The following ABAT variants were observed in gnomAD, a reference collection of about 807,000 sequenced individuals.
ABAT encodes 4-aminobutyrate aminotransferase.
In ABAT, 45 loss-of-function variants were observed where a neutral mutation model predicts 64.6. That is an observed-to-expected ratio of 0.70 (90% confidence interval 0.55 to 0.89). The LOEUF (loss-of-function observed/expected upper bound fraction) is 0.89, where lower values mean the gene tolerates loss of function less well. ABAT is among the 40% of genes least tolerant of loss of function. The pLI, the probability that ABAT is intolerant of heterozygous loss-of-function variation, is 0.00. For missense variants in ABAT, 633 were observed against 658.4 expected, an observed-to-expected ratio of 0.96 and a Z score of 0.42; for synonymous variants, 297 against 250.5, an observed-to-expected ratio of 1.19 and a Z score of -1.75.
intron 2 of ABAT, among the ~76,000 whole-genome samples, chr16:8,740,483 C>T (rs971084882): frequency 8.5e-5 from 13 of 152,160 alleles, no homozygotes; most frequent in Non-Finnish European, 1.6e-4. Flanking sequence ...AGAAGCCACT[C>T]TCAGTTCCTT....
rs2059878937 is a variant in ABAT, at chr16:8,764,227, T to G, written c.447+78T>G. The stretch of plus-strand genomic sequence containing the variant: ...AAGGGAAAAGTGGAGACGCCAACAA[T>G]GAAGAATAAGGTGTTGCTACAGAAA... On this transcript the variant is annotated intron_variant, in intron 7 of 15. Transcript: ENST00000268251. This position sits in a 1 kb window ranked among gnomAD's most constrained non-coding sequence, Gnocchi z 4.2. 1.7e-6 allele frequency: 2 copies of G among 1,179,748 alleles called. No homozygotes were observed. The highest frequency in any genetic ancestry group is 3.4e-5 in the Admixed American group (2 of 58,228). The allele number at this position is 1,179,748 out of a possible 1,614,324, so 73.1% of individuals were successfully genotyped here. A position where few individuals can be genotyped will look rare whatever the true frequency, so the allele number is the denominator to read the frequency against.
intron 1 of ABAT, among the ~76,000 whole-genome samples, chr16:8,727,504 A>G (rs2058594078): frequency 6.6e-6 from 1 of 152,160 alleles, no homozygotes; most frequent in African/African-American, 2.4e-5. Context: ...CCCCAGCCAG[A>G]AAGAATCTCC....
intron 4 of ABAT, among the ~76,000 whole-genome samples, chr16:8,749,972 C>A (rs1467718957): frequency 6.6e-6 from 1 of 152,200 alleles, no homozygotes; most frequent in East Asian, 1.9e-4. Flanking sequence ...GCCTCGGCTT[C>A]CCAAAGTACT....
rs1404056944 is a variant in ABAT at position 8,764,871 on chromosome 16, C to T, written c.540+41C>T. Reference sequence around the variant, plus strand: ...CACACACACACACACACACAGGCTCCCCAGCACCCAGCCACACGCTCACCC... The same window carrying T: ...CACACACACACACACACACAGGCTCTCCAGCACCCAGCCACACGCTCACCC... On this transcript the variant is annotated intron_variant, in intron 8 of 15. Coordinates refer to ENST00000268251, the MANE Select transcript of ABAT (RefSeq NM_020686.6). The surrounding 1 kb of genome is among the most constrained non-coding windows in gnomAD (Gnocchi z 4.2). 1.4e-6 allele frequency: 2 copies of T among 1,474,238 alleles called. No homozygotes were observed. Among genetic ancestry groups the T allele is most frequent in the African/African-American group, 2.8e-5 (2 of 72,086 alleles). The allele number at this position is 1,474,238 out of a possible 1,614,324, so 91.3% of individuals were successfully genotyped here.
rs961282282 is a variant in ABAT at position 8,674,624 on chromosome 16, C to A, written c.-129C>A. ...GAGTCGCTGGGGGAAGTCGAGCAGACACCCAGCGCTGCCGGAACTCGGGGC... is the reference window on the plus strand; with the variant it reads ...GAGTCGCTGGGGGAAGTCGAGCAGAAACCCAGCGCTGCCGGAACTCGGGGC... On this transcript the variant is annotated 5_prime_UTR_variant, in exon 1 of 16. Transcript: ENST00000268251. 35 of 152,388 alleles carry A rather than the reference C, an allele frequency of 2.3e-4. No homozygotes were observed. The highest frequency in any genetic ancestry group is 7.8e-4 in the Admixed American group (12 of 15,312). 9.4% of individuals were successfully genotyped at this position (152,388 alleles called of 1,614,324 possible).
chr16:8,712,527 A>G (rs1450796471), intron 1 of ABAT, among the ~76,000 whole-genome samples: 1 of 152,148 alleles, frequency 6.6e-6, no homozygotes, highest in African/African-American at 2.4e-5. Flanking sequence ...AATATTGTCA[A>G]TTTCATGTGG....
intron 1 of ABAT, among the ~76,000 whole-genome samples, chr16:8,677,178 T>C (rs948317746): frequency 1.3e-5 from 2 of 152,196 alleles, no homozygotes; most frequent in African/African-American, 4.8e-5. Context: ...GAGTTAATCC[T>C]CATAAAATGT....
chr16:8,770,027 A>G (rs1022417059), intron 11 of ABAT, among the ~76,000 whole-genome samples: 4 of 152,224 alleles, frequency 2.6e-5, no homozygotes, highest in African/African-American at 7.2e-5. Flanking sequence ...GCACTGTCCA[A>G]TAGAAATATA....
At chr16:8,745,951 C>T (rs1285087310) in intron 2 of ABAT, 50 bp from the exon 3 acceptor site, 1 of 1,552,810 alleles carries the variant, frequency 6.4e-7, no homozygotes, top group South Asian at 1.1e-5. Flanking sequence ...GCAGAATCCT[C>T]ATGATCTCTG....
In ABAT at chr16:8,675,159, T is replaced by C. The variant is rs561999304; in HGVS notation, c.-42+448T>C. Among the ~76,000 whole-genome samples the C allele has an allele frequency of 5.9e-5, 9 of 151,690 alleles. No individual in the cohort carries two copies. The South Asian group carries it at 1.9e-3, about 32-fold the overall frequency. On this transcript the variant is annotated intron_variant, in intron 1 of 15. Coordinates refer to ENST00000268251, the MANE Select transcript of ABAT (RefSeq NM_020686.6). Reference sequence around the variant, plus strand: ...CAGTGACCTCCCCCTCCATGACAAATGGAAGCTCTCCCCCCATCATAAGAC... The same window carrying C: ...CAGTGACCTCCCCCTCCATGACAAACGGAAGCTCTCCCCCCATCATAAGAC...
chr16:8,779,661 C>A (rs2060375126), intron 15 of ABAT, 71 bp downstream of exon 15: 3 of 1,282,708 alleles, frequency 2.3e-6, no homozygotes, highest in Middle Eastern at 1.8e-4. Context: ...CCACATGTTG[C>A]TAGGTACTCA....
chr16:8,749,964 C>G (rs1478576147), intron 4 of ABAT, among the ~76,000 whole-genome samples: 1 of 152,168 alleles, frequency 6.6e-6, no homozygotes, highest in Non-Finnish European at 1.5e-5. Context: ...ATCCACCTGC[C>G]TCGGCTTCCC....
chr16:8,764,005 A>G lies in ABAT; in HGVS notation c.367-64A>G. On this transcript the variant is annotated intron_variant, in intron 6 of 15. Coordinates refer to ENST00000268251, the MANE Select transcript of ABAT (RefSeq NM_020686.6). The surrounding 1 kb of genome is among the most constrained non-coding windows in gnomAD (Gnocchi z 4.2). Reference sequence around the variant, plus strand: ...GAACACAGGGGCTATGAAAAGCACCATTTGTGGGCAGGGAGCTGGGTCAGG... The same window carrying G: ...GAACACAGGGGCTATGAAAAGCACCGTTTGTGGGCAGGGAGCTGGGTCAGG... 2 of 1,397,318 alleles carry G rather than the reference A, an allele frequency of 1.4e-6. No homozygotes were observed. Among genetic ancestry groups the G allele is most frequent in the Non-Finnish European group, 1.0e-6 (1 of 982,790 alleles). The allele number at this position is 1,397,318 out of a possible 1,614,324, so 86.6% of individuals were successfully genotyped here. A position where few individuals can be genotyped will look rare whatever the true frequency, so the allele number is the denominator to read the frequency against.
chr16:8,780,130 A>C (rs566287122), intron 15 of ABAT, among the ~76,000 whole-genome samples: 2 of 151,970 alleles, frequency 1.3e-5, no homozygotes, highest in African/African-American at 4.8e-5. Flanking sequence ...CGATGGCCTG[A>C]GGTGGGATGG....
In ABAT at chr16:8,766,203, T is replaced by TTTC. The variant is rs2059938320; in HGVS notation, c.541-4_541-3insTCT. The TTTC allele has an allele frequency of 6.2e-7, 1 of 1,613,726 alleles. No homozygotes were observed. The highest frequency in any genetic ancestry group is 1.1e-5 in the South Asian group (1 of 91,088). ...CTGAGATTTTGTTCTGTTCTATTGT[T>TTTC]TCAGAGCAAGGAAAGAGGGCAGAGG... On this transcript the variant is annotated splice_polypyrimidine_tract_variant and splice_region_variant and intron_variant, in intron 8 of 15. Transcript: ENST00000268251.
At chr16:8,777,254 A>C in intron 14 of ABAT, among the ~76,000 whole-genome samples, 1 of 149,144 alleles carries the variant, frequency 6.7e-6, no homozygotes, top group Non-Finnish European at 1.5e-5. Context: ...AGAGTCCCCC[A>C]AGCACTCCCT....
chr16:8,715,657 CAATT>C (rs142043689), intron 1 of ABAT: 22,255 of 105,312 alleles, frequency 0.21, 1,724 homozygotes, highest in African/African-American at 0.29. Context: ...AAAAAAAAAA[CAATT>C]AAAGAAGTTT....
intron 1 of ABAT, among the ~76,000 whole-genome samples, chr16:8,734,485 T>G (rs1344592231): frequency 6.6e-6 from 1 of 152,206 alleles, no homozygotes; most frequent in African/African-American, 2.4e-5. Flanking sequence ...CACACACATG[T>G]GAGTTCGGCT....
rs532196908 is a variant in ABAT at position 8,768,764 on chromosome 16, A to T, written c.668-61A>T. The T allele has an allele frequency of 1.6e-5, 26 of 1,611,642 alleles. No homozygotes were observed. In the East Asian group the frequency reaches 5.3e-4, roughly 33 times the overall value. Reference sequence around the variant, plus strand: ...CTGAAATGTCTATCATCTCCTTTACAAAGACGGTACTGCCTGCTTCCCCAA... The same window carrying T: ...CTGAAATGTCTATCATCTCCTTTACTAAGACGGTACTGCCTGCTTCCCCAA... On this transcript the variant is annotated intron_variant, in intron 10 of 15. Coordinates refer to ENST00000268251, the MANE Select transcript of ABAT (RefSeq NM_020686.6).
Sources: gnomAD v4.1 joint callset for allele counts (sites outside exome capture counted in the v4.1 genomes callset) on GRCh38, gnomAD v4.1.1 for gene constraint, Gnocchi (gnomAD v3.1) non-coding constraint, MANE v1.5 for transcripts, NCBI Gene and HGNC (gene_info 2026-07-23, HGNC 2026-07-21) for gene names.